The following CBLB variants were observed in gnomAD, a reference collection of about 807,000 sequenced individuals.
CBLB encodes E3 ubiquitin-protein ligase CBL-B.
In CBLB, 31 loss-of-function variants were observed where a neutral mutation model predicts 104.9. The ratio of observed to expected loss-of-function variants is 0.30; its 90% CI spans 0.22 to 0.40. CBLB has a LOEUF of 0.40. Ranked by LOEUF, CBLB falls within the 10% of genes least tolerant of loss-of-function variation. CBLB has a pLI of 1.00. For missense variants in CBLB, 1,062 were observed against 1,214.6 expected (o/e 0.87, Z 1.87); for synonymous variants, 440 against 422.6 (o/e 1.04, Z -0.51).
intron 3 of CBLB, among the ~76,000 whole-genome samples, chr3:105,847,594 T>C (rs1322495753): frequency 1.9e-5 from 2 of 103,966 alleles, no homozygotes; most frequent in South Asian, 7.8e-4. Flanking sequence ...GGCAGAGCTA[T>C]TTTTTCCACC....
intron 5 of CBLB, among the ~76,000 whole-genome samples, chr3:105,747,282 C>T (rs948512953): frequency 6.6e-5 from 10 of 152,180 alleles, no homozygotes; most frequent in Middle Eastern, 6.8e-3. Flanking sequence ...AGTATTTTTA[C>T]GTTGCCATGT....
chr3:105,797,740 C>A (rs1009066890), intron 3 of CBLB, among the ~76,000 whole-genome samples: 1 of 152,326 alleles, frequency 6.6e-6, no homozygotes, highest in South Asian at 2.1e-4. Flanking sequence ...TAACATTAGA[C>A]TTGATTTAAG....
chr3:105,813,722 G>A (rs2084630089), intron 3 of CBLB, among the ~76,000 whole-genome samples: 1 of 152,086 alleles, frequency 6.6e-6, no homozygotes, highest in African/African-American at 2.4e-5. Context: ...CATGAAACAA[G>A]TAAGCAGCTA....
At chr3:105,724,728 A>G (rs1018358492) in intron 9 of CBLB, among the ~76,000 whole-genome samples, 1 of 152,210 alleles carries the variant, frequency 6.6e-6, no homozygotes, top group Non-Finnish European at 1.5e-5. Flanking sequence ...TGCATAGATT[A>G]ATCATAACTG....
chr3:105,722,198 C>CAAAAAAAAAAAAAAAAAAAAAAAAAA (rs5851468), intron 9 of CBLB, among the ~76,000 whole-genome samples: 2 of 84,420 alleles, frequency 2.4e-5, no homozygotes, highest in African/African-American at 9.4e-5. Flanking sequence ...GACCCCGTGC[C>CAAAAAAAAAAAAAAAAAAAAAAAAAA]AAAAAAAAAA....
chr3:105,807,374 T>C (rs1185686726), intron 3 of CBLB, among the ~76,000 whole-genome samples: 1 of 152,176 alleles, frequency 6.6e-6, no homozygotes, highest in African/African-American at 2.4e-5. Context: ...TTGGGCAACA[T>C]GTCCAGACCT....
chr3:105,847,429 C>G (rs1485240875), intron 3 of CBLB, among the ~76,000 whole-genome samples: 1 of 146,140 alleles, frequency 6.8e-6, no homozygotes, highest in Admixed American at 6.7e-5. Flanking sequence ...CACACACACA[C>G]CCCATTTTGT....
chr3:105,704,733 T>C (rs1426793360), intron 10 of CBLB, among the ~76,000 whole-genome samples: 5 of 152,152 alleles, frequency 3.3e-5, no homozygotes, highest in African/African-American at 1.2e-4. Flanking sequence ...GAAAAGATTC[T>C]CAAGTTAAAC....
At chr3:105,713,558 T>A (rs746761972) in intron 10 of CBLB, among the ~76,000 whole-genome samples, 2 of 152,188 alleles carry the variant, frequency 1.3e-5, no homozygotes, top group Non-Finnish European at 2.9e-5. Context: ...TCTTCTAATA[T>A]ACTATGTATT....
chr3:105,838,083 CTTTTT>C (rs11294272), intron 3 of CBLB, among the ~76,000 whole-genome samples: 1 of 116,346 alleles, frequency 8.6e-6, no homozygotes. Flanking sequence ...TCCTTTTTTT[CTTTTT>C]TTTTTTTTTT....
chr3:105,799,770 T>C (rs952901293), intron 3 of CBLB, among the ~76,000 whole-genome samples: 1 of 152,038 alleles, frequency 6.6e-6, no homozygotes, highest in African/African-American at 2.4e-5. Context: ...CCTAAGAAAA[T>C]TTCAGTTGGG....
intron 3 of CBLB, among the ~76,000 whole-genome samples, chr3:105,827,117 T>C (rs2086706014): frequency 6.6e-6 from 1 of 152,122 alleles, no homozygotes; most frequent in South Asian, 2.1e-4. Context: ...ACCTAGAGCT[T>C]CACACATAGT....
intron 3 of CBLB, among the ~76,000 whole-genome samples, chr3:105,846,451 A>G (rs936490928): frequency 6.6e-6 from 1 of 152,114 alleles, no homozygotes; most frequent in African/African-American, 2.4e-5. Context: ...AACAAAAACA[A>G]TATTTTTACT....
chr3:105,663,341 T>C (rs1411664582), intron 18 of CBLB, among the ~76,000 whole-genome samples: 4 of 152,210 alleles, frequency 2.6e-5, no homozygotes, highest in African/African-American at 7.2e-5. Flanking sequence ...GCAGCAGCCC[T>C]GAGCTTCCAT....
intron 3 of CBLB, among the ~76,000 whole-genome samples, chr3:105,841,138 C>T (rs1348885815): frequency 2.6e-5 from 4 of 151,706 alleles, no homozygotes; most frequent in Admixed American, 2.6e-4. Flanking sequence ...TACAAAAATA[C>T]AAAAACAATT....
At chr3:105,726,828 T>C (rs1273747366) in intron 9 of CBLB, among the ~76,000 whole-genome samples, 1 of 152,182 alleles carries the variant, frequency 6.6e-6, no homozygotes, top group Non-Finnish European at 1.5e-5. Context: ...TTGTGTTAGT[T>C]TGCTGAGAAT....
At chr3:105,799,164 T>C (rs950623783) in intron 3 of CBLB, among the ~76,000 whole-genome samples, 11 of 40,646 alleles carry the variant, frequency 2.7e-4, no homozygotes, top group African/African-American at 4.5e-4. Context: ...ACATGGTAAA[T>C]AATGACAAAG....
chr3:105,852,572 T>A (rs73196347), intron 3 of CBLB, among the ~76,000 whole-genome samples: 32,279 of 152,134 alleles, frequency 0.21, 4,444 homozygotes, highest in Non-Finnish European at 0.32. Flanking sequence ...AAATTTTTTT[T>A]ATAAATTTAG....
chr3:105,673,558 A>C (rs1321047583), intron 17 of CBLB: 1 of 152,170 alleles, frequency 6.6e-6, no homozygotes, highest in East Asian at 1.9e-4. Context: ...TCAAAGCAGA[A>C]ACTAATGCTA....
Sources: gnomAD v4.1 joint callset for allele counts (sites outside exome capture counted in the v4.1 genomes callset) on GRCh38, gnomAD v4.1.1 for gene constraint, MANE v1.5 for transcripts, NCBI Gene and HGNC (gene_info 2026-07-23, HGNC 2026-07-21) for gene names.